CENPW: variants seen among roughly 807,000 people sequenced by gnomAD.
CENPW encodes cancer-up-regulated gene 2 protein.
A neutral mutation model predicts 11.1 loss-of-function variants in CENPW; 3 were observed. The observed-to-expected ratio is 0.27, with a 90% confidence interval of 0.12 to 0.70. CENPW has a LOEUF of 0.70. Ranked by LOEUF, CENPW falls within the 30% of genes least tolerant of loss-of-function variation. The pLI is 0.77. For synonymous variants in CENPW, 38 were observed against 42.0 expected, an observed-to-expected ratio of 0.91 and a Z score of 0.37; for missense variants, 100 against 105.6, an observed-to-expected ratio of 0.95 and a Z score of 0.23.
chr6:126,453,326 C>T, the CENPW span, among the ~76,000 whole-genome samples: 2 of 151,060 alleles, frequency 1.3e-5, no homozygotes, highest in East Asian at 1.9e-4. Flanking sequence ...GGCAGGTAAC[C>T]TACAAAGGGA....
chr6:126,470,707 G>T, the CENPW span, among the ~76,000 whole-genome samples: 1 of 152,234 alleles, frequency 6.6e-6, no homozygotes, highest in Non-Finnish European at 1.5e-5. Flanking sequence ...AGCCAGAGGG[G>T]CAGAGCTGCC....
chr6:126,418,516 G>A, the CENPW span, among the ~76,000 whole-genome samples: 3 of 152,170 alleles, frequency 2.0e-5, no homozygotes, highest in African/African-American at 7.2e-5. Flanking sequence ...ATGTAACACA[G>A]GAGATTTTTG....
the CENPW span, among the ~76,000 whole-genome samples, chr6:126,443,371 A>G: frequency 6.6e-6 from 1 of 151,154 alleles, no homozygotes; most frequent in Admixed American, 6.6e-5. Flanking sequence ...GAGTTATTCA[A>G]TATGTTCTTC....
chr6:126,364,858 C>T, the CENPW span, among the ~76,000 whole-genome samples: 2 of 152,092 alleles, frequency 1.3e-5, no homozygotes, highest in Non-Finnish European at 2.9e-5. Flanking sequence ...GGAGTAAAAG[C>T]ACTTCAGAAA....
the CENPW span, among the ~76,000 whole-genome samples, chr6:126,410,216 C>G: frequency 6.6e-6 from 1 of 152,076 alleles, no homozygotes. Context: ...TATTGCTTGT[C>G]TGAGAAAGAT....
chr6:126,408,220 C>A, the CENPW span, among the ~76,000 whole-genome samples: 1 of 152,038 alleles, frequency 6.6e-6, no homozygotes, highest in Non-Finnish European at 1.5e-5. Flanking sequence ...TTAATCTGTT[C>A]TCAGCCACTA....
the CENPW span, among the ~76,000 whole-genome samples, chr6:126,461,255 TTTCC>T: frequency 2.6e-5 from 4 of 151,324 alleles, no homozygotes; most frequent in Non-Finnish European, 5.9e-5. Flanking sequence ...AAAATGGGAG[TTTCC>T]CTACACACGC....
At chr6:126,360,223 T>C in the CENPW span, among the ~76,000 whole-genome samples, 2 of 152,206 alleles carry the variant, frequency 1.3e-5, no homozygotes, top group Admixed American at 1.3e-4. Flanking sequence ...TTGGAATTGC[T>C]TTACTTCAAG....
the CENPW span, among the ~76,000 whole-genome samples, chr6:126,379,071 C>T: frequency 2.6e-5 from 4 of 152,086 alleles, no homozygotes; most frequent in Non-Finnish European, 4.4e-5. Flanking sequence ...TGTGTGAACT[C>T]TTATTCTGAT....
At chr6:126,408,056 T>G in the CENPW span, among the ~76,000 whole-genome samples, 1 of 152,194 alleles carries the variant, frequency 6.6e-6, no homozygotes, top group African/African-American at 2.4e-5. Context: ...AGAGTTTTTA[T>G]AGTTTTGGGT....
intron 1 of CENPW, among the ~76,000 whole-genome samples, chr6:126,340,782 C>T (rs1054665476): frequency 6.6e-6 from 1 of 152,136 alleles, no homozygotes; most frequent in Non-Finnish European, 1.5e-5. Flanking sequence ...GGAATTCAGT[C>T]TGGGTCATTT....
At chr6:126,404,188 G>A in the CENPW span, among the ~76,000 whole-genome samples, 1 of 151,984 alleles carries the variant, frequency 6.6e-6, no homozygotes, top group Non-Finnish European at 1.5e-5. Flanking sequence ...AATTTACCTG[G>A]TCATCCAAGA....
the CENPW span, among the ~76,000 whole-genome samples, chr6:126,368,157 T>C: frequency 5.9e-5 from 9 of 152,322 alleles, no homozygotes; most frequent in East Asian, 9.6e-4. Context: ...AGTTGAAAGA[T>C]AACTATTGCA....
At chr6:126,378,883 A>G in the CENPW span, among the ~76,000 whole-genome samples, 9 of 152,340 alleles carry the variant, frequency 5.9e-5, no homozygotes, top group South Asian at 1.9e-3. Context: ...AGCAAGAAAG[A>G]TTAGCCACTG....
At chr6:126,401,017 C>T in the CENPW span, among the ~76,000 whole-genome samples, 2 of 152,010 alleles carry the variant, frequency 1.3e-5, no homozygotes, top group East Asian at 1.9e-4. Context: ...TAGTTTGAAA[C>T]GTCTGGGTTA....
the CENPW span, among the ~76,000 whole-genome samples, chr6:126,455,440 A>C: frequency 2.0e-5 from 3 of 151,562 alleles, no homozygotes; most frequent in East Asian, 3.9e-4. Context: ...AAATGTAATT[A>C]ATCACATAAC....
intron 1 of CENPW, among the ~76,000 whole-genome samples, chr6:126,340,869 T>C (rs1780293242): frequency 6.6e-6 from 1 of 152,160 alleles, no homozygotes; most frequent in African/African-American, 2.4e-5. Context: ...CTGTCTCCTC[T>C]TTCCTCCCTT....
chr6:126,393,703 T>G, the CENPW span, among the ~76,000 whole-genome samples: 2 of 150,426 alleles, frequency 1.3e-5, no homozygotes, highest in African/African-American at 2.4e-5. Context: ...TAATGTATGT[T>G]CTGTCCTTGA....
chr6:126,359,178 A>G, the CENPW span, among the ~76,000 whole-genome samples: 23 of 152,152 alleles, frequency 1.5e-4, 1 homozygote, highest in South Asian at 3.5e-3. Context: ...CTTAAATTCA[A>G]TGTTCATCCA....
Sources: gnomAD v4.1 joint callset for allele counts (sites outside exome capture counted in the v4.1 genomes callset) on GRCh38, gnomAD v4.1.1 for gene constraint, MANE v1.5 for transcripts, NCBI Gene and HGNC (gene_info 2026-07-23, HGNC 2026-07-21) for gene names.